Variants in TTC29 observed in about 807,000 individuals in gnomAD.
TTC29 encodes the protein tetratricopeptide repeat protein 29.
In TTC29, 49 loss-of-function variants were observed where a neutral mutation model predicts 58.1. The observed-to-expected ratio is 0.84, with a 90% CI of 0.67 to 1.07. TTC29 has a LOEUF of 1.07. Ranked by LOEUF, TTC29 falls within the 50% of genes least tolerant of loss-of-function variation. The pLI is 0.00. For synonymous variants in TTC29, 209 were observed against 196.8 expected (o/e 1.06, Z -0.52); for missense variants, 582 against 555.6 (o/e 1.05, Z -0.48).
intron 6 of TTC29, among the ~76,000 whole-genome samples, chr4:146,901,161 T>C (rs1733122790): frequency 6.6e-6 from 1 of 152,196 alleles, no homozygotes; most frequent in African/African-American, 2.4e-5. Flanking sequence ...CTTAACCCTT[T>C]TGTACAGTTT....
intron 6 of TTC29, among the ~76,000 whole-genome samples, chr4:146,890,800 G>T (rs1245916723): frequency 6.6e-6 from 1 of 152,132 alleles, no homozygotes; most frequent in Non-Finnish European, 1.5e-5. Flanking sequence ...AAGTTCTCTG[G>T]TTTATGCACA....
At chr4:146,887,715 G>T (rs1732082657) in intron 6 of TTC29, among the ~76,000 whole-genome samples, 1 of 152,170 alleles carries the variant, frequency 6.6e-6, no homozygotes, top group Admixed American at 6.5e-5. Context: ...TTTACAATTT[G>T]CTAAATCCAT....
At chr4:146,843,996 A>T (rs547393801) in intron 8 of TTC29, among the ~76,000 whole-genome samples, 3 of 152,336 alleles carry the variant, frequency 2.0e-5, no homozygotes, top group African/African-American at 7.2e-5. Flanking sequence ...AACAGCAGTT[A>T]AATGTAATAA....
chr4:146,753,639 G>T (rs1746198405), intron 11 of TTC29, among the ~76,000 whole-genome samples: 1 of 152,162 alleles, frequency 6.6e-6, no homozygotes, highest in Admixed American at 6.5e-5. Context: ...CAATAGCAAA[G>T]ACTTGGAACC....
intron 11 of TTC29, among the ~76,000 whole-genome samples, chr4:146,756,661 G>A (rs1746471252): frequency 1.3e-5 from 2 of 151,662 alleles, no homozygotes; most frequent in Admixed American, 6.6e-5. Flanking sequence ...CAGGAATATC[G>A]ATTATTCTTA....
intron 4 of TTC29, among the ~76,000 whole-genome samples, chr4:146,931,277 G>T (rs1331947375): frequency 1.3e-5 from 2 of 152,010 alleles, no homozygotes; most frequent in Non-Finnish European, 2.9e-5. Flanking sequence ...TACTTAGTAC[G>T]AAGCAAAAGA....
At chr4:146,811,443 GA>G in intron 10 of TTC29, among the ~76,000 whole-genome samples, 1 of 152,146 alleles carries the variant, frequency 6.6e-6, no homozygotes, top group South Asian at 2.1e-4. Context: ...GGCTCTAGGA[GA>G]CAAAATTTCC....
At chr4:146,708,949 C>T (rs1742280721) in intron 11 of TTC29, among the ~76,000 whole-genome samples, 1 of 151,978 alleles carries the variant, frequency 6.6e-6, no homozygotes, top group African/African-American at 2.4e-5. Context: ...GGTGTCCTCT[C>T]CTCCTTGTTC....
At chr4:146,920,523 A>G (rs1435690308) in intron 4 of TTC29, among the ~76,000 whole-genome samples, 3 of 151,200 alleles carry the variant, frequency 2.0e-5, no homozygotes, top group Non-Finnish European at 4.5e-5. Flanking sequence ...TCAGTAATGT[A>G]ATGGAAGATA....
At chr4:146,713,519 A>T (rs1398938216) in intron 11 of TTC29, among the ~76,000 whole-genome samples, 2 of 152,146 alleles carry the variant, frequency 1.3e-5, no homozygotes, top group Non-Finnish European at 2.9e-5. Flanking sequence ...AGAAATCATG[A>T]TGTGGTAATT....
chr4:146,761,669 G>T (rs1290915337), intron 11 of TTC29, among the ~76,000 whole-genome samples: 14 of 127,628 alleles, frequency 1.1e-4, no homozygotes, highest in Non-Finnish European at 1.6e-4. Flanking sequence ...AAACAGAGTA[G>T]TTTTTTTTTT....
intron 10 of TTC29, among the ~76,000 whole-genome samples, chr4:146,818,510 G>A (rs924068758): frequency 5.5e-4 from 83 of 152,222 alleles, no homozygotes; most frequent in Non-Finnish European, 1.1e-3. Flanking sequence ...TTCAACCATT[G>A]TGGAAGTCAG....
chr4:146,742,083 T>C lies in TTC29; in HGVS notation c.1331-34532A>G, dbSNP rs550630824. On this transcript the variant is annotated intron_variant, in intron 11 of 12. Transcript: ENST00000325106. Reference sequence around the variant, plus strand: ...GCACAGCTGGTAAATGGTGAGGCCATGATTTGAACCTAGATCATGTGACCC... The same window carrying C: ...GCACAGCTGGTAAATGGTGAGGCCACGATTTGAACCTAGATCATGTGACCC... Among the ~76,000 whole-genome samples the C allele has an allele frequency of 1.5e-4, 23 of 152,334 alleles. 1 individual carries two copies. Among genetic ancestry groups the C allele is most frequent in the African/African-American group, 5.3e-4 (22 of 41,582 alleles).
intron 4 of TTC29, among the ~76,000 whole-genome samples, chr4:146,914,776 T>TA (rs1734110482): frequency 6.6e-6 from 1 of 152,132 alleles, no homozygotes; most frequent in Non-Finnish European, 1.5e-5. Context: ...TCAATGGAGA[T>TA]GTTGTTAATT....
intron 11 of TTC29, among the ~76,000 whole-genome samples, chr4:146,762,513 G>T (rs1158740495): frequency 6.6e-6 from 1 of 151,826 alleles, no homozygotes; most frequent in African/African-American, 2.4e-5. Flanking sequence ...CACAATTAGG[G>T]TTCACTGAAA....
At chr4:146,809,796 ACGTTTTTATCCGTTGGTGGG>A (rs1327261583) in intron 10 of TTC29, among the ~76,000 whole-genome samples, 1 of 149,958 alleles carries the variant, frequency 6.7e-6, no homozygotes, top group African/African-American at 2.4e-5. Flanking sequence ...AGAAATAGAA[ACGTTTTTATCCGTTGGTGGG>A]CGTGTAAATT....
intron 11 of TTC29, among the ~76,000 whole-genome samples, chr4:146,750,009 T>A (rs1176186478): frequency 1.3e-5 from 2 of 150,806 alleles, no homozygotes; most frequent in African/African-American, 2.5e-5. Flanking sequence ...ATTGCCACTA[T>A]ACCTGCTTTT....
At chr4:146,792,853 A>T (rs1019967599) in intron 11 of TTC29, among the ~76,000 whole-genome samples, 5 of 152,184 alleles carry the variant, frequency 3.3e-5, no homozygotes, top group Non-Finnish European at 5.9e-5. Flanking sequence ...ATATATCAAT[A>T]GTTATGGGAA....
At chr4:146,901,898 T>C (rs888631327) in intron 6 of TTC29, among the ~76,000 whole-genome samples, 2 of 152,220 alleles carry the variant, frequency 1.3e-5, no homozygotes, top group African/African-American at 4.8e-5. Context: ...GACTTTGTCT[T>C]GTTCATTCTG....
Sources: allele counts gnomAD v4.1 joint callset (sites outside exome capture counted in the v4.1 genomes callset), GRCh38; gene constraint gnomAD v4.1.1; transcripts MANE v1.5; gene names NCBI Gene and HGNC (gene_info 2026-07-23, HGNC 2026-07-21).